The following LRRC4C variants were observed in gnomAD, a reference collection of about 807,000 sequenced individuals.
LRRC4C encodes leucine-rich repeat-containing protein 4C.
In LRRC4C, 5 loss-of-function variants were observed where a neutral mutation model predicts 33.6. The observed-to-expected ratio is 0.15, with a 90% confidence interval of 0.08 to 0.31. The LOEUF (loss-of-function observed/expected upper bound fraction) is 0.31, where lower values mean the gene tolerates loss of function less well. Ranked by LOEUF, LRRC4C falls within the 10% of genes least tolerant of loss-of-function variation. LRRC4C has a pLI of 1.00. For missense variants in LRRC4C, 560 were observed against 796.7 expected (o/e 0.70, Z 3.58); for synonymous variants, 329 against 302.0 (o/e 1.09, Z -0.93).
chr11:41,183,615 T>A lies in LRRC4C; in HGVS notation c.-495-249892A>T, dbSNP rs1590866197. ...AGGGTACAGACTCCCTGCTGGCTGC[T>A]TTCACAAGCTGGTGTTGTGTCTGCA... On this transcript the variant is annotated intron_variant, in intron 1 of 6. Coordinates refer to ENST00000528697, the MANE Select transcript of LRRC4C (RefSeq NM_001258419.2). Among the ~76,000 whole-genome samples, 4 of 152,282 alleles carry A rather than the reference T, an allele frequency of 2.6e-5. No homozygotes were observed. In the East Asian group the frequency reaches 5.8e-4, roughly 22 times the overall value.
At chr11:40,860,183 C>T (rs1954012358) in intron 2 of LRRC4C, among the ~76,000 whole-genome samples, 2 of 152,074 alleles carry the variant, frequency 1.3e-5, no homozygotes, top group Admixed American at 6.5e-5. Context: ...GAGGGTCACA[C>T]ATTGTGTAGT....
intron 3 of LRRC4C, among the ~76,000 whole-genome samples, chr11:40,427,519 T>C (rs1368692470): frequency 6.7e-6 from 1 of 148,236 alleles, no homozygotes. Flanking sequence ...AAAAATAAAA[T>C]AAAGCTGAAT....
At position 40,383,846 on chromosome 11, in the gene LRRC4C, G is replaced by A. The variant is rs990263976; in HGVS notation, c.-269-64125C>T. On this transcript the variant is annotated intron_variant, in intron 3 of 6. Transcript: ENST00000528697. ...AACACAGGCATGCAACACCGTGCCC[G>A]GCTAATTTTTTTACTTTTTGTTGAG... 4.6e-4 allele frequency among the ~76,000 whole-genome samples: 70 copies of A among 150,998 alleles called. 1 individual carries two copies. The highest frequency in any genetic ancestry group is 3.4e-3 in the Admixed American group (52 of 15,112).
At chr11:40,651,034 A>G (rs1437752670) in intron 2 of LRRC4C, among the ~76,000 whole-genome samples, 1 of 152,172 alleles carries the variant, frequency 6.6e-6, no homozygotes, top group African/African-American at 2.4e-5. Flanking sequence ...TCCCATCTTA[A>G]TAGAACATTT....
At chr11:40,177,857 C>G (rs561371531) in intron 5 of LRRC4C, among the ~76,000 whole-genome samples, 252 of 152,158 alleles carry the variant, frequency 1.7e-3, no homozygotes, top group Middle Eastern at 0.01. Flanking sequence ...ACTGATGTAC[C>G]CCGAGTGTTT....
intron 1 of LRRC4C, among the ~76,000 whole-genome samples, chr11:41,089,658 T>C (rs925867761): frequency 2.6e-5 from 4 of 152,102 alleles, no homozygotes; most frequent in Non-Finnish European, 4.4e-5. Flanking sequence ...CAATTTATTT[T>C]TCTTAATACA....
intron 6 of LRRC4C, among the ~76,000 whole-genome samples, chr11:40,136,720 T>A (rs182036595): frequency 6.9e-4 from 105 of 152,328 alleles, no homozygotes; most frequent in African/African-American, 2.4e-3. Flanking sequence ...TTTCACTAAT[T>A]TTGCAATGTT....
intron 3 of LRRC4C, among the ~76,000 whole-genome samples, chr11:40,605,064 A>T (rs546097446): frequency 6.6e-6 from 1 of 152,310 alleles, no homozygotes; most frequent in South Asian, 2.1e-4. Context: ...GAAGTAAAAA[A>T]TAAAGGGAGA....
intron 3 of LRRC4C, among the ~76,000 whole-genome samples, chr11:40,353,676 T>C (rs1333102665): frequency 6.6e-6 from 1 of 152,344 alleles, no homozygotes; most frequent in East Asian, 1.9e-4. Flanking sequence ...ATCATGCCAA[T>C]GCACACCAGC....
intron 2 of LRRC4C, among the ~76,000 whole-genome samples, chr11:40,837,676 CAAAA>C (rs139136576): frequency 1.7e-4 from 18 of 108,456 alleles, no homozygotes; most frequent in East Asian, 2.7e-4. Context: ...CCTGTCTCTT[CAAAA>C]AAAAAAAAAA....
intron 3 of LRRC4C, among the ~76,000 whole-genome samples, chr11:40,383,642 A>G (rs9651608): frequency 0.14 from 20,668 of 152,042 alleles, 1,944 homozygotes; most frequent in African/African-American, 0.26. Context: ...TGTGTTGGCC[A>G]TTTGTATACC....
chr11:41,369,958 G>A (rs1366204967), intron 1 of LRRC4C, among the ~76,000 whole-genome samples: 2 of 152,144 alleles, frequency 1.3e-5, no homozygotes, highest in African/African-American at 4.8e-5. Context: ...CAATAGAGAT[G>A]CAAATATATA....
intron 1 of LRRC4C, among the ~76,000 whole-genome samples, chr11:41,289,316 A>T (rs1949926524): frequency 6.6e-6 from 1 of 152,204 alleles, no homozygotes; most frequent in African/African-American, 2.4e-5. Flanking sequence ...ATAATTAAGC[A>T]TACCTATCAC....
Position 40,460,942 on chromosome 11 carries a change from T to C in LRRC4C, c.-269-141221A>G, listed in dbSNP as rs193041788. Among the ~76,000 whole-genome samples, 28 of 152,284 alleles carry C rather than the reference T, an allele frequency of 1.8e-4. 2 individuals carry two copies. Among genetic ancestry groups the C allele is most frequent in the Admixed American group, 1.8e-3 (27 of 15,294 alleles). On this transcript the variant is annotated intron_variant, in intron 3 of 6. Transcript: ENST00000528697. Reference sequence around the variant, plus strand: ...TATGAAAAGGATGGTAAAATAACTGTATTTCTCCTTCCACTGTCTTGCAGC... The same window carrying C: ...TATGAAAAGGATGGTAAAATAACTGCATTTCTCCTTCCACTGTCTTGCAGC...
chr11:41,186,976 T>C (rs988834363), intron 1 of LRRC4C, among the ~76,000 whole-genome samples: 2 of 152,214 alleles, frequency 1.3e-5, no homozygotes, highest in Non-Finnish European at 2.9e-5. Flanking sequence ...CCTGATTTTT[T>C]AATTATATAC....
chr11:40,864,119 A>G (rs1376346965), intron 2 of LRRC4C, among the ~76,000 whole-genome samples: 1 of 152,044 alleles, frequency 6.6e-6, no homozygotes, highest in Non-Finnish European at 1.5e-5. Flanking sequence ...CCCAGGCTAG[A>G]GTGCAGTGGC....
intron 2 of LRRC4C, among the ~76,000 whole-genome samples, chr11:40,738,357 T>A (rs543051502): frequency 5.3e-5 from 8 of 152,112 alleles, no homozygotes; most frequent in Non-Finnish European, 8.8e-5. Context: ...CCAGCCTCCA[T>A]AATCACATGA....
intron 3 of LRRC4C, among the ~76,000 whole-genome samples, chr11:40,324,436 C>A (rs372985453): frequency 2.6e-5 from 4 of 152,122 alleles, no homozygotes; most frequent in African/African-American, 9.7e-5. Flanking sequence ...AGAAACTTAG[C>A]AATTCCAAAT....
chr11:40,367,339 T>C (rs1484872062), intron 3 of LRRC4C, among the ~76,000 whole-genome samples: 1 of 152,124 alleles, frequency 6.6e-6, no homozygotes, highest in Non-Finnish European at 1.5e-5. Context: ...CATTTTCTCA[T>C]CTTGTCTGAG....
Sources: gnomAD v4.1 joint callset for allele counts (sites outside exome capture counted in the v4.1 genomes callset) on GRCh38, gnomAD v4.1.1 for gene constraint, MANE v1.5 for transcripts, NCBI Gene and HGNC (gene_info 2026-07-23, HGNC 2026-07-21) for gene names.